KCNQ1: variants seen among roughly 807,000 people sequenced by gnomAD.
KCNQ1 encodes potassium voltage-gated channel subfamily Q member 1.
KCNQ1 carries 49 observed loss-of-function variants against 72.4 expected under a neutral mutation model. The observed-to-expected ratio is 0.68, with a 90% confidence interval of 0.54 to 0.86. The LOEUF (loss-of-function observed/expected upper bound fraction) is 0.86. Among genes scored for constraint, KCNQ1 ranks in the 40% least tolerant of loss-of-function variants. KCNQ1 has a pLI of 0.00. For missense variants in KCNQ1, 790 were observed against 945.1 expected (o/e 0.84, Z 2.15); for synonymous variants, 450 against 412.6 (o/e 1.09, Z -1.10).
rs1851000841 is a variant in KCNQ1 at position 2,711,299 on chromosome 11, C to T, written c.1514+49218C>T. 6.6e-6 allele frequency among the ~76,000 whole-genome samples: 1 copy of T among 152,248 alleles called. No individual in the cohort carries two copies. The highest frequency in any genetic ancestry group is 2.4e-5 in the African/African-American group (1 of 41,468). On this transcript the variant is annotated intron_variant, in intron 11 of 15. Coordinates refer to ENST00000155840, the MANE Select transcript of KCNQ1 (RefSeq NM_000218.3). This position sits in a 1 kb window ranked among gnomAD's most constrained non-coding sequence, Gnocchi z 5.4. The stretch of plus-strand genomic sequence containing the variant: ...CATCTCCCTTGGAGTCTCTCCCCGA[C>T]TCCAGGGCTCATGGCCCCTTTCAGG...
chr11:2,467,225 C>G (rs896979881), intron 1 of KCNQ1, among the ~76,000 whole-genome samples: 4 of 152,180 alleles, frequency 2.6e-5, no homozygotes, highest in Non-Finnish European at 5.9e-5. Flanking sequence ...GGGTTTATCT[C>G]CCCATTGCAC....
intron 11 of KCNQ1, chr11:2,684,769 C>A: frequency 2.5e-6 from 1 of 398,658 alleles, no homozygotes; most frequent in Middle Eastern, 6.3e-4. Context: ...GGAGGACTGC[C>A]TCCCAGCCTT....
chr11:2,727,195 G>T (rs1335316611), intron 11 of KCNQ1, among the ~76,000 whole-genome samples: 1 of 152,204 alleles, frequency 6.6e-6, no homozygotes, highest in African/African-American at 2.4e-5. Context: ...GGCCTCAAAA[G>T]CTCAGCGTCT....
chr11:2,705,257 T>TG (rs1176769117), intron 11 of KCNQ1, among the ~76,000 whole-genome samples: 1 of 151,954 alleles, frequency 6.6e-6, no homozygotes, highest in Non-Finnish European at 1.5e-5. Flanking sequence ...GCCAGACGGG[T>TG]GGGGGGTCTG....
chr11:2,522,502 C>T (rs1847405167), intron 1 of KCNQ1, among the ~76,000 whole-genome samples: 1 of 152,240 alleles, frequency 6.6e-6, no homozygotes. Context: ...GCCTCAAGGG[C>T]AGGGACCCCA....
intron 1 of KCNQ1, among the ~76,000 whole-genome samples, chr11:2,480,367 T>TG (rs1414340174): frequency 2.0e-5 from 3 of 152,216 alleles, no homozygotes; most frequent in Admixed American, 6.5e-5. Flanking sequence ...TCCACATGGC[T>TG]GGGGAGGTCT....
rs2133560251 is a variant in KCNQ1 at position 2,445,444 on chromosome 11, C to G, written c.346C>G (p.Arg116Gly). 1.9e-6 allele frequency: 3 copies of G among 1,597,454 alleles called. No homozygotes were observed. Among genetic ancestry groups the G allele is most frequent in the African/African-American group, 1.3e-5 (1 of 75,046 alleles). Reference protein sequence around the residue: ...VQGRVYNFLERPTGWKCFVYH... With the variant: ...VQGRVYNFLEGPTGWKCFVYH... Reference sequence around the variant, plus strand: ...GGGCCGCGTCTACAACTTCCTCGAGCGTCCCACCGGCTGGAAATGCTTCGT... The same window carrying G: ...GGGCCGCGTCTACAACTTCCTCGAGGGTCCCACCGGCTGGAAATGCTTCGT... Residue 116 changes from arginine (R) to glycine (G), a missense_variant, in exon 1 of 16, where the codon CGT becomes GGT. Arg to Gly is a moderately radical substitution (Grantham distance 125). Transcript: ENST00000155840.
chr11:2,550,866 G>A lies in KCNQ1; in HGVS notation c.478-19762G>A, dbSNP rs1847973114. Among the ~76,000 whole-genome samples, 1 of 151,970 alleles carries A rather than the reference G, an allele frequency of 6.6e-6. No homozygotes were observed. The highest frequency in any genetic ancestry group is 2.4e-5 in the African/African-American group (1 of 41,380). On this transcript the variant is annotated intron_variant, in intron 2 of 15. Coordinates refer to ENST00000155840, the MANE Select transcript of KCNQ1 (RefSeq NM_000218.3). The surrounding 1 kb of genome is among the most constrained non-coding windows in gnomAD (Gnocchi z 6.0). ...CAGATGGCAGGCGAGGGGTGCCTGG[G>A]GAGGCTGCCAAGTGAGGGGGGGGCA...
At chr11:2,531,905 T>C (rs368700035) in intron 2 of KCNQ1, among the ~76,000 whole-genome samples, 21 of 152,302 alleles carry the variant, frequency 1.4e-4, no homozygotes, top group African/African-American at 4.6e-4. Flanking sequence ...CCTGTGACGT[T>C]TAGGCTACAT....
rs141985810 is a variant in KCNQ1 at position 2,609,446 on chromosome 11, T to G, written c.1393+20592T>G. 1.8e-3 allele frequency: 734 copies of G among 398,458 alleles called. 15 individuals carry two copies. The East Asian group carries it at 0.026, about 14-fold the overall frequency. The allele number at this position is 398,458 out of a possible 1,614,324, so 24.7% of individuals were successfully genotyped here. ...GTTTGTTTCGTGACTTAGCATATGG[T>G]CCTTCTTGGAGAATGTCTCATGTGC... On this transcript the variant is annotated intron_variant, in intron 10 of 15. Coordinates refer to ENST00000155840, the MANE Select transcript of KCNQ1 (RefSeq NM_000218.3).
rs1847963334 is a variant in KCNQ1, at chr11:2,550,272, GC to G, written c.478-20355del. Among the ~76,000 whole-genome samples the G allele has an allele frequency of 1.3e-5, 2 of 152,240 alleles. No individual in the cohort carries two copies. The highest frequency in any genetic ancestry group is 6.5e-5 in the Admixed American group (1 of 15,292). ...CTGATCACGGGGTGAGAGGGTCTTT[GC>G]AGTTGCAGAGCCGTGGCGCGGCGCC... On this transcript the variant is annotated intron_variant, in intron 2 of 15. Coordinates refer to ENST00000155840, the MANE Select transcript of KCNQ1 (RefSeq NM_000218.3). This position sits in a 1 kb window ranked among gnomAD's most constrained non-coding sequence, Gnocchi z 6.0.
At chr11:2,693,301 C>T (rs1477207701) in intron 11 of KCNQ1, 3 of 398,652 alleles carry the variant, frequency 7.5e-6, no homozygotes, top group Non-Finnish European at 1.3e-5. Flanking sequence ...CTGCTCTTAG[C>T]ACCCACAGGC....
At position 2,538,236 on chromosome 11, in the gene KCNQ1, C is replaced by T. The variant is rs1414680982; in HGVS notation, c.477+10218C>T. 5.3e-5 allele frequency among the ~76,000 whole-genome samples: 8 copies of T among 152,186 alleles called. No homozygotes were observed. The highest frequency in any genetic ancestry group is 1.0e-4 in the Non-Finnish European group (7 of 68,030). On this transcript the variant is annotated intron_variant, in intron 2 of 15. Transcript: ENST00000155840. This position sits in a 1 kb window ranked among gnomAD's most constrained non-coding sequence, Gnocchi z 6.7. ...TTTCTCATTGCACATGGCTGTCACG[C>T]GGTTTCAGCTTCTTTGACCTGGAGC...
intron 10 of KCNQ1, chr11:2,630,160 C>T (rs571459109): frequency 4.3e-5 from 17 of 398,244 alleles, no homozygotes; most frequent in African/African-American, 3.3e-4. Flanking sequence ...GCATTATTTG[C>T]ACTTATCAAA....
intron 1 of KCNQ1, among the ~76,000 whole-genome samples, chr11:2,518,046 C>T (rs961800239): frequency 6.6e-6 from 1 of 152,268 alleles, no homozygotes; most frequent in African/African-American, 2.4e-5. Flanking sequence ...CTTCATTCAC[C>T]GAGCTTGAGG....
Position 2,593,329 on chromosome 11 carries a change from CT to C in KCNQ1, c.1393+4476del, listed in dbSNP as rs1255020689. Among the ~76,000 whole-genome samples the C allele has an allele frequency of 6.6e-6, 1 of 151,996 alleles. No homozygotes were observed. Among genetic ancestry groups the C allele is most frequent in the Non-Finnish European group, 1.5e-5 (1 of 68,018 alleles). On this transcript the variant is annotated intron_variant, in intron 10 of 15. Transcript: ENST00000155840. The surrounding 1 kb of genome is among the most constrained non-coding windows in gnomAD (Gnocchi z 6.9). The stretch of plus-strand genomic sequence containing the variant: ...GAGGCCTTTTGCTGCTCAGAGAACA[CT>C]GGGCTGGAAGGTCGTGGTCTGTGAC...
chr11:2,647,598 T>C lies in KCNQ1; in HGVS notation c.1394-14363T>C, dbSNP rs889914543. On this transcript the variant is annotated intron_variant, in intron 10 of 15. Coordinates refer to ENST00000155840, the MANE Select transcript of KCNQ1 (RefSeq NM_000218.3). This position sits in a 1 kb window ranked among gnomAD's most constrained non-coding sequence, Gnocchi z 4.0. ...TCATGTTAGTTCTTTAAAGGTTTGG[T>C]AGAATTCAGTAGAAAACCCGTGCAA... 13 of 398,450 alleles carry C rather than the reference T, an allele frequency of 3.3e-5. No homozygotes were observed. Among genetic ancestry groups the C allele is most frequent in the Admixed American group, 2.6e-4 (6 of 22,710 alleles). 24.7% of individuals were successfully genotyped at this position (398,450 alleles called of 1,614,324 possible).
chr11:2,775,501 C>T (rs533507046), intron 12 of KCNQ1, among the ~76,000 whole-genome samples: 193 of 152,356 alleles, frequency 1.3e-3, no homozygotes, highest in African/African-American at 4.6e-3. Context: ...AGGACAGTGG[C>T]GGCTGCAGCC....
chr11:2,680,837 C>T (rs1166192626), intron 11 of KCNQ1: 6 of 397,918 alleles, frequency 1.5e-5, no homozygotes, highest in Non-Finnish European at 2.2e-5. Context: ...TTTTTGGGAT[C>T]GGCTCTTTTC....
Sources: allele counts gnomAD v4.1 joint callset (sites outside exome capture counted in the v4.1 genomes callset), GRCh38; gene constraint gnomAD v4.1.1; non-coding constraint Gnocchi (gnomAD v3.1); transcripts MANE v1.5; gene names NCBI Gene and HGNC (gene_info 2026-07-23, HGNC 2026-07-21).